KCNMA1: variants seen among roughly 807,000 people sequenced by gnomAD.
The protein encoded by KCNMA1 is Calcium-activated potassium channel subunit alpha-1.
A neutral mutation model predicts 140.0 loss-of-function variants in KCNMA1; 29 were observed. The observed-to-expected ratio is 0.21, with a 90% CI of 0.15 to 0.28. The LOEUF (loss-of-function observed/expected upper bound fraction) is 0.28. Ranked by LOEUF, KCNMA1 falls within the 10% of genes least tolerant of loss-of-function variation. The pLI is 1.00. For missense variants in KCNMA1, 880 were observed against 1,602.2 expected (o/e 0.55, Z 7.70); for synonymous variants, 612 against 611.9 (o/e 1.00, Z 0.00).
At chr10:77,057,054 G>C (rs929161517) in intron 14 of KCNMA1, among the ~76,000 whole-genome samples, 10 of 152,090 alleles carry the variant, frequency 6.6e-5, no homozygotes, top group Admixed American at 5.2e-4. Flanking sequence ...CTTCCCCAGA[G>C]ACAAACCTAG....
chr10:77,618,112 A>G lies in KCNMA1; in HGVS notation c.378+19153T>C, dbSNP rs554521945. Among the ~76,000 whole-genome samples, 6 of 152,308 alleles carry G rather than the reference A, an allele frequency of 3.9e-5. No homozygotes were observed. In the South Asian group the frequency reaches 1.2e-3, roughly 32 times the overall value. ...CATCCCCTATCATCCGGACAGATGC[A>G]GAGGGTCCAGCAGAGACCTTCAGGG... On this transcript the variant is annotated intron_variant, in intron 1 of 27. Coordinates refer to ENST00000286628, the MANE Select transcript of KCNMA1 (RefSeq NM_001161352.2).
intron 3 of KCNMA1, among the ~76,000 whole-genome samples, chr10:77,200,565 C>T (rs1219964934): frequency 6.6e-6 from 1 of 151,996 alleles, no homozygotes; most frequent in Non-Finnish European, 1.5e-5. Context: ...ATGGTTCTCT[C>T]TCCTACCACG....
chr10:77,606,808 G>A (rs1603638329), intron 1 of KCNMA1, among the ~76,000 whole-genome samples: 1 of 152,022 alleles, frequency 6.6e-6, no homozygotes, highest in Admixed American at 6.6e-5. Flanking sequence ...AGAGTTTATC[G>A]TGTTCAGTCC....
intron 2 of KCNMA1, among the ~76,000 whole-genome samples, chr10:77,349,138 T>G (rs987095298): frequency 2.0e-5 from 3 of 152,160 alleles, no homozygotes; most frequent in South Asian, 2.1e-4. Context: ...TCATCACCAA[T>G]GTAATTATAT....
intron 14 of KCNMA1, among the ~76,000 whole-genome samples, chr10:77,064,937 A>G (rs990581901): frequency 6.6e-6 from 1 of 152,214 alleles, no homozygotes; most frequent in African/African-American, 2.4e-5. Flanking sequence ...TTTGCATTTC[A>G]TGTTTCTACA....
intron 1 of KCNMA1, among the ~76,000 whole-genome samples, chr10:77,631,651 A>T (rs904959257): frequency 1.3e-5 from 2 of 152,198 alleles, no homozygotes; most frequent in African/African-American, 2.4e-5. Flanking sequence ...AGAGAGAAAG[A>T]GAGAGACAGC....
chr10:77,254,697 T>A (rs1473763560), intron 2 of KCNMA1, among the ~76,000 whole-genome samples: 2 of 152,138 alleles, frequency 1.3e-5, no homozygotes, highest in African/African-American at 4.8e-5. Context: ...CAATATCCTC[T>A]CCTTTCCCAA....
intron 23 of KCNMA1, 115 bp from the exon 24 acceptor site, chr10:76,915,164 G>T: frequency 1.4e-6 from 1 of 720,380 alleles, no homozygotes; most frequent in Non-Finnish European, 2.5e-6. Context: ...ATTATTCACA[G>T]GTCAACAATT....
At chr10:77,493,181 G>C (rs995599183) in intron 1 of KCNMA1, among the ~76,000 whole-genome samples, 1 of 152,228 alleles carries the variant, frequency 6.6e-6, no homozygotes, top group Non-Finnish European at 1.5e-5. Flanking sequence ...TAAATGCAGA[G>C]CCCTGGCTGC....
chr10:76,923,287 T>C (rs969966654), intron 23 of KCNMA1, among the ~76,000 whole-genome samples: 2 of 152,028 alleles, frequency 1.3e-5, no homozygotes, highest in African/African-American at 4.8e-5. Flanking sequence ...GTCTCTTTCC[T>C]TAGAATTAAC....
intron 2 of KCNMA1, among the ~76,000 whole-genome samples, chr10:77,287,527 T>C (rs2071451498): frequency 6.6e-6 from 1 of 152,232 alleles, no homozygotes; most frequent in Non-Finnish European, 1.5e-5. Flanking sequence ...AGCATTCATA[T>C]GGACAACTGG....
intron 1 of KCNMA1, among the ~76,000 whole-genome samples, chr10:77,517,975 C>G (rs139710180): frequency 7.4e-4 from 113 of 152,168 alleles, no homozygotes; most frequent in African/African-American, 2.7e-3. Flanking sequence ...GAAGAGGGGC[C>G]GTTAATCAGG....
intron 1 of KCNMA1, among the ~76,000 whole-genome samples, chr10:77,465,549 C>T (rs1434736765): frequency 6.6e-6 from 1 of 152,174 alleles, no homozygotes; most frequent in Admixed American, 6.5e-5. Context: ...TACTGAACCA[C>T]AGCTTTCTCA....
At chr10:76,895,194 A>AC (rs2041987892) in intron 25 of KCNMA1, among the ~76,000 whole-genome samples, 1 of 151,568 alleles carries the variant, frequency 6.6e-6, no homozygotes, top group Non-Finnish European at 1.5e-5. Flanking sequence ...TCTCACACGC[A>AC]CCCCCTTAGA....
At chr10:77,184,945 A>C in intron 3 of KCNMA1, 29 bp from the exon 4 acceptor site, 1 of 1,358,432 alleles carries the variant, frequency 7.4e-7, no homozygotes, top group Non-Finnish European at 1.1e-6. Flanking sequence ...AAAAAGCAAG[A>C]GGTAAATGAC....
chr10:77,313,407 G>A (rs116808041), intron 2 of KCNMA1, among the ~76,000 whole-genome samples: 291 of 152,258 alleles, frequency 1.9e-3, no homozygotes, highest in African/African-American at 5.9e-3. Flanking sequence ...GTCCATGAGG[G>A]GACAGGGCCT....
At chr10:77,452,192 C>G (rs1043864563) in intron 1 of KCNMA1, among the ~76,000 whole-genome samples, 2 of 152,172 alleles carry the variant, frequency 1.3e-5, no homozygotes, top group Non-Finnish European at 2.9e-5. Context: ...GCCATGACCC[C>G]CAGGGCAATC....
At chr10:77,307,975 C>A (rs750597652) in intron 2 of KCNMA1, among the ~76,000 whole-genome samples, 1 of 152,162 alleles carries the variant, frequency 6.6e-6, no homozygotes, top group Non-Finnish European at 1.5e-5. Context: ...ACTTAGGCTG[C>A]CATTGTTGTC....
chr10:76,881,444 A>G (rs371588813), downstream of KCNMA1, among the ~76,000 whole-genome samples: 1 of 152,178 alleles, frequency 6.6e-6, no homozygotes, highest in Non-Finnish European at 1.5e-5. Flanking sequence ...ATTTGGAATA[A>G]TATCAGCGGG....
Sources: allele counts gnomAD v4.1 joint callset (sites outside exome capture counted in the v4.1 genomes callset), GRCh38; gene constraint gnomAD v4.1.1; transcripts MANE v1.5; gene names NCBI Gene and HGNC (gene_info 2026-07-23, HGNC 2026-07-21).